CLMN: variants seen among roughly 807,000 people sequenced by gnomAD.
CLMN encodes the protein calmin.
CLMN carries 57 observed loss-of-function variants against 92.7 expected under a neutral mutation model. That is an observed-to-expected ratio of 0.61 (90% CI 0.50 to 0.77). The LOEUF (loss-of-function observed/expected upper bound fraction) is 0.77, where lower values mean the gene tolerates loss of function less well. Ranked by LOEUF, CLMN falls within the 30% of genes least tolerant of loss-of-function variation. CLMN has a pLI of 0.00. For missense variants in CLMN, 1,158 were observed against 1,237.5 expected (o/e 0.94, Z 0.96); for synonymous variants, 466 against 470.6 (o/e 0.99, Z 0.13).
At chr14:95,299,881 C>A (rs534383659) in intron 1 of CLMN, among the ~76,000 whole-genome samples, 3 of 152,194 alleles carry the variant, frequency 2.0e-5, no homozygotes, top group Non-Finnish European at 1.5e-5. Context: ...GTGTTAAGTG[C>A]CAAGTGACAG....
intron 1 of CLMN, among the ~76,000 whole-genome samples, chr14:95,267,018 A>G (rs1057447469): frequency 6.6e-6 from 1 of 152,238 alleles, no homozygotes; most frequent in Non-Finnish European, 1.5e-5. Flanking sequence ...TTCTGAGCAT[A>G]CAAAAATCAA....
intron 1 of CLMN, among the ~76,000 whole-genome samples, chr14:95,273,860 A>G (rs1899811419): frequency 6.6e-6 from 1 of 152,124 alleles, no homozygotes. Context: ...CCAATCCTAT[A>G]GATAAACCGA....
chr14:95,292,679 G>T (rs1331316354), intron 1 of CLMN, among the ~76,000 whole-genome samples: 1 of 152,126 alleles, frequency 6.6e-6, no homozygotes, highest in Non-Finnish European at 1.5e-5. Context: ...GGTGGTAGGG[G>T]AGGGTGGGGA....
At chr14:95,266,954 T>C (rs1268110266) in intron 1 of CLMN, among the ~76,000 whole-genome samples, 38 of 152,194 alleles carry the variant, frequency 2.5e-4, no homozygotes, top group Admixed American at 2.5e-3. Flanking sequence ...CTTTAATAAG[T>C]GGTGCTGGGA....
At position 95,224,376 on chromosome 14, in the gene CLMN, G is replaced by A. The variant is rs144937525; in HGVS notation, c.145-521C>T. Among the ~76,000 whole-genome samples, 877 of 152,178 alleles carry A rather than the reference G, an allele frequency of 5.8e-3. 7 individuals carry two copies. The highest frequency in any genetic ancestry group is 0.02 in the African/African-American group (842 of 41,522). On this transcript the variant is annotated intron_variant, in intron 2 of 12. Transcript: ENST00000298912. ...TGGCTCACTGCAACCTCCGCCTCCC[G>A]GGTTCAAGTGATTCTCCTGCCTCCG... is the stretch of plus-strand genomic sequence containing the variant.
rs767326601 is a variant in CLMN at position 95,220,169 on chromosome 14, C to CTTTTTT, written c.324+1516_324+1521dup. 4.1e-3 allele frequency among the ~76,000 whole-genome samples: 291 copies of CTTTTTT among 71,802 alleles called. 18 individuals carry two copies. Among genetic ancestry groups the CTTTTTT allele is most frequent in the African/African-American group, 5.6e-3 (95 of 16,850 alleles). 47.1% of individuals were successfully genotyped at this position (71,802 alleles called of 152,430 possible). A position where few individuals can be genotyped will look rare whatever the true frequency, so the allele number is the denominator to read the frequency against. On this transcript the variant is annotated intron_variant, in intron 4 of 12. Coordinates refer to ENST00000298912, the MANE Select transcript of CLMN (RefSeq NM_024734.4). Reference sequence around the variant, plus strand: ...AATATTCCACTGTATGGATAGGTCCCTTTTTTTTTTTTTTTTTTTTTTTTT... The same window carrying CTTTTTT: ...AATATTCCACTGTATGGATAGGTCCCTTTTTTTTTTTTTTTTTTTTTTTTTTTTTTT...
intron 1 of CLMN, chr14:95,307,726 T>C (rs1453304470): frequency 6.7e-6 from 1 of 150,204 alleles, no homozygotes; most frequent in African/African-American, 2.5e-5. Flanking sequence ...GCCAGCTCTC[T>C]CTTGGAGAGA....
chr14:95,245,473 CGGATGGATGGAT>C (rs760529305), intron 1 of CLMN, among the ~76,000 whole-genome samples: 5 of 146,340 alleles, frequency 3.4e-5, no homozygotes, highest in East Asian at 2.0e-4. Context: ...GATGGATGGA[CGGATGGATGGAT>C]GGATGGATGG....
chr14:95,262,309 C>T (rs1899288756), intron 1 of CLMN, among the ~76,000 whole-genome samples: 1 of 152,164 alleles, frequency 6.6e-6, no homozygotes, highest in South Asian at 2.1e-4. Flanking sequence ...TTCTGTTCAA[C>T]AGAAGAACAA....
At chr14:95,313,772 T>C (rs1421519692) in intron 1 of CLMN, among the ~76,000 whole-genome samples, 1 of 152,204 alleles carries the variant, frequency 6.6e-6, no homozygotes, top group East Asian at 1.9e-4. Context: ...TTCTCAGACA[T>C]AGGGCAGATG....
chr14:95,274,355 C>A (rs902089084), intron 1 of CLMN, among the ~76,000 whole-genome samples: 1 of 152,132 alleles, frequency 6.6e-6, no homozygotes, highest in Non-Finnish European at 1.5e-5. Flanking sequence ...TACGTGGCAC[C>A]TAGCACACGA....
chr14:95,281,738 T>C (rs1304607517), intron 1 of CLMN, among the ~76,000 whole-genome samples: 1 of 152,230 alleles, frequency 6.6e-6, no homozygotes, highest in East Asian at 1.9e-4. Flanking sequence ...TTATTTTGCT[T>C]TACTGTTGTG....
chr14:95,252,271 G>A (rs1158068255), intron 1 of CLMN, among the ~76,000 whole-genome samples: 3 of 152,202 alleles, frequency 2.0e-5, no homozygotes, highest in Non-Finnish European at 4.4e-5. Context: ...AGCTCTGAGA[G>A]GGTGGGAAAG....
In CLMN at chr14:95,245,230, T is replaced by C. The variant is rs1177801827; in HGVS notation, c.83-15097A>G. On this transcript the variant is annotated intron_variant, in intron 1 of 12. Transcript: ENST00000298912. Reference sequence around the variant, plus strand: ...ATATTATATATATATATATATTATATATATATATTATATATATATATATAA... The same window carrying C: ...ATATTATATATATATATATATTATACATATATATTATATATATATATATAA... Among the ~76,000 whole-genome samples, 41 of 35,184 alleles carry C rather than the reference T, an allele frequency of 1.2e-3. 2 individuals carry two copies. Among genetic ancestry groups the C allele is most frequent in the African/African-American group, 4.0e-3 (22 of 5,522 alleles). 23.1% of individuals were successfully genotyped at this position (35,184 alleles called of 152,430 possible).
rs111546758 is a variant in CLMN at position 95,234,862 on chromosome 14, C to T, written c.83-4729G>A. Among the ~76,000 whole-genome samples, 398 of 152,300 alleles carry T rather than the reference C, an allele frequency of 2.6e-3. 3 individuals are homozygous for T. The highest frequency in any genetic ancestry group is 9.4e-3 in the African/African-American group (389 of 41,560). On this transcript the variant is annotated intron_variant, in intron 1 of 12. Coordinates refer to ENST00000298912, the MANE Select transcript of CLMN (RefSeq NM_024734.4). Reference sequence around the variant, plus strand: ...TCAGAGTCACAGAGAAAGGGATGCACGCATTAGGAGTTAAAATGTTTATTT... The same window carrying T: ...TCAGAGTCACAGAGAAAGGGATGCATGCATTAGGAGTTAAAATGTTTATTT...
At chr14:95,263,011 C>T (rs561360481) in intron 1 of CLMN, among the ~76,000 whole-genome samples, 73 of 152,334 alleles carry the variant, frequency 4.8e-4, no homozygotes, top group Middle Eastern at 3.4e-3. Context: ...GACAGTGGCT[C>T]CCAGGCTCAG....
chr14:95,307,250 T>C (rs1254395602), intron 1 of CLMN, among the ~76,000 whole-genome samples: 1 of 152,200 alleles, frequency 6.6e-6, no homozygotes, highest in Non-Finnish European at 1.5e-5. Flanking sequence ...CACTCTCCCT[T>C]TGATTCCACA....
At position 95,259,649 on chromosome 14, in the gene CLMN, C is replaced by T. The variant is rs1899171927; in HGVS notation, c.83-29516G>A. Among the ~76,000 whole-genome samples the T allele has an allele frequency of 6.6e-6, 1 of 152,110 alleles. No homozygotes were observed. ...GAGATCACTTGCACAGGGCCCACCC[C>T]CACCCCCAGGTGGGACCAGCACAGG... On this transcript the variant is annotated intron_variant, in intron 1 of 12. Coordinates refer to ENST00000298912, the MANE Select transcript of CLMN (RefSeq NM_024734.4). The surrounding 1 kb of genome is among the most constrained non-coding windows in gnomAD (Gnocchi z 4.3).
intron 1 of CLMN, among the ~76,000 whole-genome samples, chr14:95,240,154 AAC>A (rs1898195605): frequency 6.6e-6 from 1 of 152,214 alleles, no homozygotes; most frequent in South Asian, 2.1e-4. Flanking sequence ...AAAATCGCCT[AAC>A]AGTGCAATTC....
Sources: allele counts gnomAD v4.1 joint callset (sites outside exome capture counted in the v4.1 genomes callset), GRCh38; gene constraint gnomAD v4.1.1; non-coding constraint Gnocchi (gnomAD v3.1); transcripts MANE v1.5; gene names NCBI Gene and HGNC (gene_info 2026-07-23, HGNC 2026-07-21).